BANK1: variants seen among roughly 807,000 people sequenced by gnomAD.
The protein encoded by BANK1 is B cell scaffold protein with ankyrin repeats 1.
BANK1 carries 95 observed loss-of-function variants against 94.5 expected under a neutral mutation model. That is an observed-to-expected ratio of 1.00 (90% CI 0.85 to 1.19). The LOEUF (loss-of-function observed/expected upper bound fraction) is 1.19, where lower values mean the gene tolerates loss of function less well. Ranked by LOEUF, BANK1 falls within the 50% of genes most tolerant of loss-of-function variation. The probability of loss-of-function intolerance (pLI) is 0.00; values close to 1 mark genes in which losing one functional copy is unlikely to be tolerated. For missense variants in BANK1, 987 were observed against 932.2 expected, an observed-to-expected ratio of 1.06 and a Z score of -0.77; for synonymous variants, 334 against 308.4, an observed-to-expected ratio of 1.08 and a Z score of -0.87.
intron 7 of BANK1, among the ~76,000 whole-genome samples, chr4:102,007,100 TATATATATATAAATATATATTTTA>T (rs1726304409): frequency 1.5e-5 from 1 of 68,062 alleles, no homozygotes; most frequent in Admixed American, 1.7e-4. Flanking sequence ...ATAATATATT[TATATATATATAAATATATATTTTA>T]TATATATATA....
At chr4:101,891,989 T>C (rs1050718900) in intron 5 of BANK1, among the ~76,000 whole-genome samples, 4 of 151,986 alleles carry the variant, frequency 2.6e-5, no homozygotes, top group African/African-American at 9.7e-5. Context: ...CTAACATCTT[T>C]GTCCTCTTGG....
intron 5 of BANK1, among the ~76,000 whole-genome samples, chr4:101,882,442 C>A (rs1261449241): frequency 6.6e-6 from 1 of 152,096 alleles, no homozygotes; most frequent in Non-Finnish European, 1.5e-5. Flanking sequence ...TAATACATTT[C>A]TTTACTGACT....
chr4:101,809,678 A>C (rs1725677978), intron 1 of BANK1, among the ~76,000 whole-genome samples: 1 of 152,160 alleles, frequency 6.6e-6, no homozygotes, highest in Non-Finnish European at 1.5e-5. Context: ...ATTTGCTTTG[A>C]CTCATGGAGA....
intron 7 of BANK1, among the ~76,000 whole-genome samples, chr4:101,991,819 G>A (rs969825160): frequency 3.3e-5 from 5 of 152,178 alleles, no homozygotes; most frequent in South Asian, 2.1e-4. Context: ...GTACACATAC[G>A]TGTGTATTTG....
intron 1 of BANK1, among the ~76,000 whole-genome samples, chr4:101,827,551 C>T (rs544489985): frequency 1.3e-5 from 2 of 152,030 alleles, no homozygotes; most frequent in East Asian, 1.9e-4. Context: ...TTAAAATGTG[C>T]GTTTTGTAGT....
intron 2 of BANK1, among the ~76,000 whole-genome samples, chr4:101,837,223 T>C (rs1342864075): frequency 6.6e-6 from 1 of 152,230 alleles, no homozygotes; most frequent in Non-Finnish European, 1.5e-5. Context: ...GTAATGATAA[T>C]TTAGTATATT....
At chr4:101,792,611 T>C (rs1725034771) in intron 1 of BANK1, among the ~76,000 whole-genome samples, 1 of 152,046 alleles carries the variant, frequency 6.6e-6, no homozygotes, top group South Asian at 2.1e-4. Context: ...GTTTCATAAC[T>C]AGTAATTATT....
chr4:101,865,420 G>A (rs564532055), intron 4 of BANK1, among the ~76,000 whole-genome samples: 1 of 152,218 alleles, frequency 6.6e-6, no homozygotes, highest in South Asian at 2.1e-4. Context: ...AATCCCACCA[G>A]GTTTTTACAA....
At chr4:101,923,093 C>T (rs1264239180) in intron 7 of BANK1, among the ~76,000 whole-genome samples, 2 of 151,758 alleles carry the variant, frequency 1.3e-5, no homozygotes, top group African/African-American at 4.8e-5. Context: ...AATAATTCCT[C>T]ATAGAGCACT....
At chr4:101,942,654 T>C (rs1020592331) in intron 7 of BANK1, among the ~76,000 whole-genome samples, 4 of 151,836 alleles carry the variant, frequency 2.6e-5, no homozygotes, top group Admixed American at 2.6e-4. Context: ...TACATAAAAT[T>C]ATATAATTTA....
At chr4:102,016,653 A>G (rs1285647177) in intron 7 of BANK1, among the ~76,000 whole-genome samples, 1 of 152,176 alleles carries the variant, frequency 6.6e-6, no homozygotes, top group Non-Finnish European at 1.5e-5. Flanking sequence ...AACTATTTTC[A>G]GGACTTTGCT....
In BANK1 at chr4:102,030,108, T is replaced by A. The variant is rs868486682; in HGVS notation, c.1743T>A (p.Ala581=). Residue 581 remains alanine (A), a synonymous_variant, in exon 10 of 17, where the codon GCT becomes GCA. Transcript: ENST00000322953. ...QEEEEDPYTF[A]EIDDSEYDMI... ...AGGAAGAAGACCCATATACTTTTGCTGAGATTGATGACAGTGAATATGACA... is the reference window on the plus strand; with the variant it reads ...AGGAAGAAGACCCATATACTTTTGCAGAGATTGATGACAGTGAATATGACA... The A allele has an allele frequency of 6.2e-7, 1 of 1,613,896 alleles. No homozygotes were observed. Among genetic ancestry groups the A allele is most frequent in the Non-Finnish European group, 8.5e-7 (1 of 1,179,906 alleles).
intron 2 of BANK1, among the ~76,000 whole-genome samples, chr4:101,834,701 T>C (rs1328632953): frequency 6.6e-6 from 1 of 152,230 alleles, no homozygotes; most frequent in Non-Finnish European, 1.5e-5. Context: ...CTGTCCCTTT[T>C]CTATTTTTCC....
chr4:101,982,896 T>C (rs1433539754), intron 7 of BANK1, among the ~76,000 whole-genome samples: 1 of 152,030 alleles, frequency 6.6e-6, no homozygotes, highest in Admixed American at 6.6e-5. Flanking sequence ...TATATACGCA[T>C]GGAATTTCAC....
intron 13 of BANK1, among the ~76,000 whole-genome samples, chr4:102,070,217 T>C (rs941883487): frequency 1.3e-5 from 2 of 152,144 alleles, no homozygotes; most frequent in African/African-American, 4.8e-5. Context: ...AGCTCCCTGT[T>C]TAACCTTGAT....
intron 3 of BANK1, among the ~76,000 whole-genome samples, chr4:101,861,843 A>G (rs1178137075): frequency 1.3e-5 from 2 of 152,068 alleles, no homozygotes; most frequent in African/African-American, 2.4e-5. Flanking sequence ...TTTCATTCCT[A>G]GTATTTTTTC....
At chr4:101,821,437 C>G (rs1726143535) in intron 1 of BANK1, among the ~76,000 whole-genome samples, 1 of 152,172 alleles carries the variant, frequency 6.6e-6, no homozygotes, top group Admixed American at 6.6e-5. Flanking sequence ...TTTTGCTGTT[C>G]AGAAACTCTT....
chr4:102,030,224 G>T lies in BANK1; in HGVS notation c.1859G>T (p.Ser620Ile), dbSNP rs747228348. Residue 620 changes from serine to isoleucine, a missense_variant, in exon 10 of 17, where the codon AGT becomes ATT. Physicochemically the swap from Ser to Ile is moderately radical, Grantham distance 142. Coordinates refer to ENST00000322953, the MANE Select transcript of BANK1 (RefSeq NM_017935.5). Reference protein sequence around the residue: ...RPPAPTPRPTSIPPKEETTPY... With the variant: ...RPPAPTPRPTIIPPKEETTPY... ...CCTGCCCCCACACCCCGACCCACAA[G>T]TATACCTCCAAAAGAGGAAACTACA... The T allele has an allele frequency of 2.5e-6, 4 of 1,607,438 alleles. No individual in the cohort carries two copies. The highest frequency in any genetic ancestry group is 1.7e-6 in the Non-Finnish European group (2 of 1,178,268).
chr4:101,954,993 A>G (rs1724288906), intron 7 of BANK1, among the ~76,000 whole-genome samples: 1 of 152,146 alleles, frequency 6.6e-6, no homozygotes, highest in Non-Finnish European at 1.5e-5. Context: ...AAATTAATTA[A>G]TGAAAAGAAA....
Sources: gnomAD v4.1 joint callset for allele counts (sites outside exome capture counted in the v4.1 genomes callset) on GRCh38, gnomAD v4.1.1 for gene constraint, MANE v1.5 for transcripts, NCBI Gene and HGNC (gene_info 2026-07-23, HGNC 2026-07-21) for gene names.